FAH: variants seen among roughly 807,000 people sequenced by gnomAD.
FAH encodes the protein fumarylacetoacetate hydrolase.
A neutral mutation model predicts 55.8 loss-of-function variants in FAH; 47 were observed. That is an observed-to-expected ratio of 0.84 (90% confidence interval 0.67 to 1.07). FAH has a LOEUF of 1.07. Among genes scored for constraint, FAH ranks in the 50% least tolerant of loss-of-function variants. The pLI is 0.00. For missense variants in FAH, 495 were observed against 545.9 expected (o/e 0.91, Z 0.93); for synonymous variants, 199 against 207.7 (o/e 0.96, Z 0.36).
chr15:80,159,901 G>T (rs1390194575), intron 3 of FAH, 24 bp downstream of exon 3: 6 of 1,612,646 alleles, frequency 3.7e-6, no homozygotes, highest in African/African-American at 1.3e-5. Context: ...GGTCATAGGG[G>T]GGATGAGGGG....
chr15:80,161,512 C>T (rs1595891063), intron 4 of FAH, among the ~76,000 whole-genome samples: 1 of 151,962 alleles, frequency 6.6e-6, no homozygotes, highest in East Asian at 1.9e-4. Context: ...ACTGTCCCAA[C>T]TGGTTTTTCT....
chr15:80,180,045 G>A lies in FAH; in HGVS notation c.961-79G>A, dbSNP rs536794978. Reference sequence around the variant, plus strand: ...GCCAGGGAAGGCGGTCGTGAGCAGGGCAGGCTGTGCCCAGCTGCCTCCGGG... The same window carrying A: ...GCCAGGGAAGGCGGTCGTGAGCAGGACAGGCTGTGCCCAGCTGCCTCCGGG... On this transcript the variant is annotated intron_variant, in intron 11 of 13. Coordinates refer to ENST00000561421, the MANE Select transcript of FAH (RefSeq NM_000137.4). 1,080 of 1,086,850 alleles carry A rather than the reference G, an allele frequency of 9.9e-4. 14 individuals carry two copies. The East Asian group carries it at 0.011, about 11-fold the overall frequency. 67.3% of individuals were successfully genotyped at this position (1,086,850 alleles called of 1,614,324 possible).
intron 1 of FAH, 131 bp downstream of exon 1, chr15:80,153,266 A>T: frequency 1.3e-6 from 1 of 777,326 alleles, no homozygotes; most frequent in Non-Finnish European, 2.2e-6. Context: ...TTCTCTTAAG[A>T]TTCGTTCCGT....
chr15:80,164,547 C>T (rs1441351765), intron 5 of FAH, among the ~76,000 whole-genome samples: 1 of 152,112 alleles, frequency 6.6e-6, no homozygotes, highest in East Asian at 1.9e-4. Flanking sequence ...CACACACACA[C>T]GCATGTACAC....
Position 80,181,131 on chromosome 15 carries a change from G to A in FAH, c.1152G>A (p.Leu384=). Residue 384 remains leucine, a synonymous_variant, in exon 13 of 14, where the codon CTG becomes CTA. Coordinates refer to ENST00000561421, the MANE Select transcript of FAH (RefSeq NM_000137.4). ...GGAATGGTCAGACCAGGAAGTTTCT[G>A]CTGGACGGGGATGAAGTCATCATAA... The part of the protein sequence containing the change: ...DLGNGQTRKF[L]LDGDEVIITG... The A allele has an allele frequency of 6.2e-7, 1 of 1,613,644 alleles. No individual in the cohort carries two copies. Among genetic ancestry groups the A allele is most frequent in the African/African-American group, 1.3e-5 (1 of 75,052 alleles).
intron 10 of FAH, among the ~76,000 whole-genome samples, chr15:80,175,622 A>G (rs12910663): frequency 0.058 from 8,787 of 152,268 alleles, 322 homozygotes; most frequent in South Asian, 0.088. Flanking sequence ...TGACATAGAC[A>G]GGGCCCACAT....
chr15:80,185,349 C>G (rs901687476), intron 13 of FAH, among the ~76,000 whole-genome samples: 3 of 152,166 alleles, frequency 2.0e-5, no homozygotes, highest in African/African-American at 7.2e-5. Context: ...ATCATAAGAT[C>G]CATTGCACAG....
At chr15:80,184,990 G>A (rs1230336207) in intron 13 of FAH, among the ~76,000 whole-genome samples, 1 of 152,056 alleles carries the variant, frequency 6.6e-6, no homozygotes, top group Admixed American at 6.5e-5. Context: ...CCTCTAAGTG[G>A]ACCCCTCTCA....
intron 3 of FAH, 118 bp downstream of exon 3, chr15:80,159,995 C>A (rs2041135115): frequency 7.4e-7 from 1 of 1,346,150 alleles, no homozygotes; most frequent in Non-Finnish European, 1.0e-6. Flanking sequence ...CCAAGTCAGA[C>A]CTGCCCTCAT....
intron 13 of FAH, among the ~76,000 whole-genome samples, chr15:80,184,213 T>C (rs2041352237): frequency 6.6e-6 from 1 of 152,236 alleles, no homozygotes; most frequent in Admixed American, 6.5e-5. Context: ...CTTCAGATCT[T>C]TGATTTGTTG....
chr15:80,159,776 G>A lies in FAH; in HGVS notation c.213G>A (p.Met71Ile). ...VFNQPTLNSFMGLGQAAWKEA... is the reference protein window; with the variant it reads ...VFNQPTLNSFIGLGQAAWKEA... ...CTTAGCCTACACTCAACAGCTTCAT[G>A]GGCCTGGGTCAGGCTGCCTGGAAGG... The change falls in exon 3 of 14, where the codon ATG becomes ATA. Residue 71 changes from methionine to isoleucine, a missense_variant. Physicochemically the swap from Met to Ile is conservative, Grantham distance 10. Coordinates refer to ENST00000561421, the MANE Select transcript of FAH (RefSeq NM_000137.4). 6.2e-7 allele frequency: 1 copy of A among 1,614,194 alleles called. No homozygotes were observed. Among genetic ancestry groups the A allele is most frequent in the Non-Finnish European group, 8.5e-7 (1 of 1,180,032 alleles).
Position 80,173,261 on chromosome 15 carries a change from C to T in FAH, c.837+117C>T, listed in dbSNP as rs564024247. 8.1e-5 allele frequency: 110 copies of T among 1,365,912 alleles called. No individual in the cohort carries two copies. In the East Asian group the frequency reaches 1.1e-3, roughly 14 times the overall value. 84.6% of individuals were successfully genotyped at this position (1,365,912 alleles called of 1,614,324 possible). On this transcript the variant is annotated intron_variant, in intron 9 of 13. Transcript: ENST00000561421. The stretch of plus-strand genomic sequence containing the variant: ...CATCAGGAGGGAAGCTCTGTGCCCA[C>T]GGCATGCCCACAGCAGAGTGCCTGG...
At chr15:80,186,591 T>TATTG (rs1378367280), downstream of FAH, 3 of 297,436 alleles carry the variant, frequency 1.0e-5, no homozygotes, top group Admixed American at 4.6e-5. Context: ...GAGATCGATT[T>TATTG]ATTGATTGAT....
intron 1 of FAH, among the ~76,000 whole-genome samples, 171 bp downstream of exon 1, chr15:80,153,306 C>A (rs1451176216): frequency 1.3e-5 from 2 of 152,088 alleles, no homozygotes; most frequent in African/African-American, 4.8e-5. Flanking sequence ...AGTCCCGCCT[C>A]GTAACTTTCT....
intron 1 of FAH, chr15:80,157,554 C>T (rs994243801): frequency 1.5e-5 from 3 of 196,052 alleles, no homozygotes; most frequent in Non-Finnish European, 1.1e-5. Flanking sequence ...CCTTACAACC[C>T]GAGCTCTCCT....
intron 10 of FAH, among the ~76,000 whole-genome samples, chr15:80,176,497 G>A (rs1473898271): frequency 6.6e-6 from 1 of 152,234 alleles, no homozygotes; most frequent in Non-Finnish European, 1.5e-5. Context: ...GTCACAGAGA[G>A]CCTCCTGGCT....
chr15:80,186,586 C>T (rs113827304), downstream of FAH: 9 of 307,232 alleles, frequency 2.9e-5, no homozygotes, highest in East Asian at 3.2e-4. Flanking sequence ...AGAAAGAGAT[C>T]GATTTATTGA....
Position 80,173,001 on chromosome 15 carries a change from CCTT to C in FAH, c.707-7_707-5del, listed in dbSNP as rs779284513. ...CAGCCTTTGTAAGTCCTGGCTGTGCCCTTCTTCTGCAGCACGAGACATTCAGAA... is the reference window on the plus strand; with the variant it reads ...CAGCCTTTGTAAGTCCTGGCTGTGCCCTTCTGCAGCACGAGACATTCAGAA... On this transcript the variant is annotated splice_polypyrimidine_tract_variant and intron_variant, in intron 8 of 13. Coordinates refer to ENST00000561421, the MANE Select transcript of FAH (RefSeq NM_000137.4). 6.7e-5 allele frequency: 108 copies of C among 1,614,086 alleles called. No homozygotes were observed. The African/African-American group carries it at 1.2e-3, about 18-fold the overall frequency.
At position 80,175,052 on chromosome 15, in the gene FAH, C is replaced by T; in HGVS notation, c.874C>T (p.Pro292Ser). The change falls in exon 10 of 14, where the codon CCC (proline) becomes TCC (serine). Residue 292 changes from proline (P) to serine (S), a missense_variant. Transcript: ENST00000561421. ...CCTGCCGTATCTGTGCCATGACGAG[C>T]CCTACACATTTGACATCAACCTCTC... The part of the protein sequence containing the change: ...RPLPYLCHDE[P>S]YTFDINLSVN... 6.2e-7 allele frequency: 1 copy of T among 1,607,402 alleles called. No homozygotes were observed. The highest frequency in any genetic ancestry group is 8.5e-7 in the Non-Finnish European group (1 of 1,177,078).
Sources: gnomAD v4.1 joint callset for allele counts (sites outside exome capture counted in the v4.1 genomes callset) on GRCh38, gnomAD v4.1.1 for gene constraint, MANE v1.5 for transcripts, NCBI Gene and HGNC (gene_info 2026-07-23, HGNC 2026-07-21) for gene names.